The following MAEA variants were observed in gnomAD, a reference collection of about 807,000 sequenced individuals.
The protein encoded by MAEA is E3 ubiquitin-protein transferase MAEA.
A neutral mutation model predicts 46.2 loss-of-function variants in MAEA; 22 were observed. The ratio of observed to expected loss-of-function variants is 0.48; its 90% confidence interval spans 0.34 to 0.68. The LOEUF (loss-of-function observed/expected upper bound fraction) is 0.68. Among genes scored for constraint, MAEA ranks in the 30% least tolerant of loss-of-function variants. The pLI is 0.01. For missense variants in MAEA, 393 were observed against 558.1 expected (o/e 0.70, Z 2.98); for synonymous variants, 246 against 222.6 (o/e 1.11, Z -0.94).
At chr4:1,296,443 C>G (rs1467089859) in intron 1 of MAEA, among the ~76,000 whole-genome samples, 1 of 133,976 alleles carries the variant, frequency 7.5e-6, no homozygotes, top group Non-Finnish European at 1.6e-5. Context: ...TGTGCCGTTC[C>G]TCACCCGTGC....
intron 5 of MAEA, chr4:1,332,283 T>C (rs1577232389): frequency 6.5e-6 from 1 of 154,814 alleles, no homozygotes; most frequent in South Asian, 1.8e-4. Flanking sequence ...GAGGAAGGAG[T>C]GTCTGGTAGC....
intron 5 of MAEA, chr4:1,331,827 G>A (rs1711863511): frequency 6.5e-6 from 1 of 152,798 alleles, no homozygotes. Flanking sequence ...AGCTTGAAAG[G>A]GATCTGTTAT....
intron 1 of MAEA, chr4:1,309,668 G>A: frequency 6.5e-7 from 1 of 1,532,076 alleles, no homozygotes; most frequent in South Asian, 1.2e-5. Flanking sequence ...GAGAGCCACT[G>A]GCAGGGAGGT....
chr4:1,307,464 A>T (rs1263008304), intron 1 of MAEA, among the ~76,000 whole-genome samples: 1 of 152,226 alleles, frequency 6.6e-6, no homozygotes, highest in Admixed American at 6.5e-5. Flanking sequence ...TTCAAGGTTC[A>T]CCCATGTTAC....
chr4:1,300,338 A>G (rs941384335), intron 1 of MAEA, among the ~76,000 whole-genome samples: 1 of 152,264 alleles, frequency 6.6e-6, no homozygotes, highest in Non-Finnish European at 1.5e-5. Context: ...TTATAATGAA[A>G]GGGACACCAA....
chr4:1,335,336 A>G (rs1712607311), intron 6 of MAEA: 1 of 985,382 alleles, frequency 1.0e-6, no homozygotes, highest in African/African-American at 1.7e-5. Context: ...GGTTGCACAC[A>G]TTCCAGATCA....
Position 1,318,144 on chromosome 4 carries a change from T to G in MAEA, c.456+2544T>G, listed in dbSNP as rs371645864. Among the ~76,000 whole-genome samples, 10 of 151,134 alleles carry G rather than the reference T, an allele frequency of 6.6e-5. No individual in the cohort carries two copies. In the East Asian group the frequency reaches 2.0e-3, roughly 30 times the overall value. On this transcript the variant is annotated intron_variant, in intron 3 of 8. Coordinates refer to ENST00000303400, the MANE Select transcript of MAEA (RefSeq NM_001017405.3). ...CAATGCACAGGCCCTCGCTCCGTGC[T>G]GCCCACATGTCCTGGCTGCCTGGGG...
chr4:1,309,607 G>A (rs1271448808), intron 1 of MAEA: 4 of 1,513,666 alleles, frequency 2.6e-6, no homozygotes, highest in East Asian at 2.5e-5. Flanking sequence ...TGGGAGGAGC[G>A]TGCGCAGAGG....
chr4:1,329,363 C>T (rs1739250637), intron 5 of MAEA: 1 of 985,356 alleles, frequency 1.0e-6, no homozygotes, highest in Non-Finnish European at 1.2e-6. Context: ...GTAGAATCTG[C>T]CCTAGAGACT....
At chr4:1,322,639 G>T in intron 4 of MAEA, 136 bp downstream of exon 4, 1 of 1,138,694 alleles carries the variant, frequency 8.8e-7, no homozygotes, top group Non-Finnish European at 1.2e-6. Context: ...GGGTTTGGGA[G>T]TTTTTTTGGT....
chr4:1,304,552 T>C (rs1735650320), intron 1 of MAEA, among the ~76,000 whole-genome samples: 1 of 152,216 alleles, frequency 6.6e-6, no homozygotes, highest in African/African-American at 2.4e-5. Context: ...ACCATTCTCC[T>C]GCCTCAGCCT....
At chr4:1,301,888 C>T (rs899733226) in intron 1 of MAEA, among the ~76,000 whole-genome samples, 1 of 152,132 alleles carries the variant, frequency 6.6e-6, no homozygotes, top group Non-Finnish European at 1.5e-5. Flanking sequence ...CAAAGAAAAG[C>T]CTGAGACCAG....
chr4:1,323,337 C>T (rs1165720165), intron 4 of MAEA, among the ~76,000 whole-genome samples: 1 of 152,146 alleles, frequency 6.6e-6, no homozygotes, highest in Non-Finnish European at 1.5e-5. Context: ...CATTGTCACC[C>T]TAGGGGCTTG....
At chr4:1,320,933 T>C (rs1738004753) in intron 3 of MAEA, among the ~76,000 whole-genome samples, 1 of 152,144 alleles carries the variant, frequency 6.6e-6, no homozygotes, top group African/African-American at 2.4e-5. Flanking sequence ...ACCCTGTCTC[T>C]ACTAAAAATA....
At chr4:1,327,119 C>T (rs915264978) in intron 4 of MAEA, among the ~76,000 whole-genome samples, 11 of 152,254 alleles carry the variant, frequency 7.2e-5, no homozygotes, top group African/African-American at 1.7e-4. Flanking sequence ...ATCAGCGCCT[C>T]GGGACAGGAC....
chr4:1,307,669 C>T (rs747572464), intron 1 of MAEA, among the ~76,000 whole-genome samples: 11 of 152,144 alleles, frequency 7.2e-5, no homozygotes, highest in Non-Finnish European at 8.8e-5. Context: ...GAAGCTGGTG[C>T]GTGGCTCAGT....
Position 1,335,315 on chromosome 4 carries a change from C to T in MAEA, c.766-1546C>T, listed in dbSNP as rs572589688. 3 of 985,478 alleles carry T rather than the reference C, an allele frequency of 3.0e-6. No individual in the cohort carries two copies. The South Asian group carries it at 1.4e-4, about 46-fold the overall frequency. 61.0% of individuals were successfully genotyped at this position (985,478 alleles called of 1,614,324 possible). A position where few individuals can be genotyped will look rare whatever the true frequency, so the allele number is the denominator to read the frequency against. On this transcript the variant is annotated intron_variant, in intron 6 of 8. Transcript: ENST00000303400. ...CCAGCTGTGTGAGTCTATTTTTTGT[C>T]ACAGTGCACAGGTTGCACACATTCC... is the stretch of plus-strand genomic sequence containing the variant.
At chr4:1,303,501 C>G (rs1735536454) in intron 1 of MAEA, among the ~76,000 whole-genome samples, 2 of 151,996 alleles carry the variant, frequency 1.3e-5, no homozygotes, top group South Asian at 4.1e-4. Context: ...GAAGACCATT[C>G]AGCCATGAAG....
chr4:1,318,799 T>C (rs1737645099), intron 3 of MAEA, among the ~76,000 whole-genome samples: 1 of 152,136 alleles, frequency 6.6e-6, no homozygotes, highest in African/African-American at 2.4e-5. Flanking sequence ...GTTTCCTACC[T>C]GTGCACCAAA....
Sources: gnomAD v4.1 joint callset for allele counts (sites outside exome capture counted in the v4.1 genomes callset) on GRCh38, gnomAD v4.1.1 for gene constraint, MANE v1.5 for transcripts, NCBI Gene and HGNC (gene_info 2026-07-23, HGNC 2026-07-21) for gene names.